Variants in DOK6 observed in about 807,000 individuals in gnomAD.
The protein encoded by DOK6 is downstream of tyrosine kinase 6.
In DOK6, 22 loss-of-function variants were observed where a neutral mutation model predicts 44.0. That is an observed-to-expected ratio of 0.50 (90% CI 0.36 to 0.71). The LOEUF is 0.71. Ranked by LOEUF, DOK6 falls within the 30% of genes least tolerant of loss-of-function variation. The pLI is 0.00. For missense variants in DOK6, 340 were observed against 416.4 expected (o/e 0.82, Z 1.60); for synonymous variants, 166 against 145.5 (o/e 1.14, Z -1.01).
chr18:69,655,374 A>G (rs945882386), intron 3 of DOK6, among the ~76,000 whole-genome samples: 3 of 152,210 alleles, frequency 2.0e-5, no homozygotes, highest in African/African-American at 7.2e-5. Flanking sequence ...TTAAAATGCC[A>G]TTGAAATGGA....
intron 1 of DOK6, among the ~76,000 whole-genome samples, chr18:69,443,681 G>A (rs1269078135): frequency 6.6e-6 from 1 of 152,114 alleles, no homozygotes; most frequent in Admixed American, 6.6e-5. Flanking sequence ...GCATTTTCTT[G>A]TGTTACTTTC....
chr18:69,687,032 CAG>C (rs2144693128), intron 4 of DOK6, among the ~76,000 whole-genome samples: 1 of 152,142 alleles, frequency 6.6e-6, no homozygotes, highest in South Asian at 2.1e-4. Context: ...TCAGAAAAAA[CAG>C]AGGAGGAAAT....
chr18:69,417,305 G>A (rs1160470108), intron 1 of DOK6, among the ~76,000 whole-genome samples: 2 of 152,002 alleles, frequency 1.3e-5, no homozygotes, highest in East Asian at 3.9e-4. Flanking sequence ...CACATATTGT[G>A]AGACACGTAA....
chr18:69,679,379 G>A (rs7234718), intron 4 of DOK6, among the ~76,000 whole-genome samples: 94,606 of 151,944 alleles, frequency 0.62, 30,035 homozygotes, highest in East Asian at 0.87. Context: ...TTTTCTGCTC[G>A]TGGATCATGA....
chr18:69,836,186 C>CT (rs1982048756), intron 7 of DOK6, among the ~76,000 whole-genome samples: 1 of 152,048 alleles, frequency 6.6e-6, no homozygotes, highest in South Asian at 2.1e-4. Flanking sequence ...ATTTGTGCTC[C>CT]TTCTAGTTCA....
At chr18:69,761,972 G>C (rs964197566) in intron 7 of DOK6, among the ~76,000 whole-genome samples, 101 of 152,202 alleles carry the variant, frequency 6.6e-4, no homozygotes, top group African/African-American at 2.3e-3. Flanking sequence ...ACCTAGGCAA[G>C]TTGCAAAGCA....
At chr18:69,742,096 T>C (rs1413744497) in intron 6 of DOK6, among the ~76,000 whole-genome samples, 1 of 152,152 alleles carries the variant, frequency 6.6e-6, no homozygotes, top group African/African-American at 2.4e-5. Context: ...CTATTCTTGC[T>C]TGAAGAATTT....
At chr18:69,427,732 A>G (rs72955487) in intron 1 of DOK6, among the ~76,000 whole-genome samples, 20,876 of 152,050 alleles carry the variant, frequency 0.14, 2,068 homozygotes, top group East Asian at 0.32. Flanking sequence ...TAGACTGATT[A>G]AAGAAAATAA....
chr18:69,581,904 C>A (rs1488134225), intron 2 of DOK6, among the ~76,000 whole-genome samples: 1 of 152,082 alleles, frequency 6.6e-6, no homozygotes, highest in Non-Finnish European at 1.5e-5. Flanking sequence ...TTTGTGGCCA[C>A]GAGGAAACAA....
chr18:69,406,794 G>A (rs116200229), intron 1 of DOK6, among the ~76,000 whole-genome samples: 1 of 152,152 alleles, frequency 6.6e-6, no homozygotes, highest in African/African-American at 2.4e-5. Context: ...TAAAAAATTA[G>A]TTTAGGCTGG....
chr18:69,480,819 G>A (rs777192695), intron 1 of DOK6, among the ~76,000 whole-genome samples: 11 of 152,198 alleles, frequency 7.2e-5, no homozygotes, highest in African/African-American at 1.2e-4. Context: ...ATGTGATATT[G>A]GTTAGGACAG....
At chr18:69,780,679 C>A (rs1258201213) in intron 7 of DOK6, among the ~76,000 whole-genome samples, 2 of 152,180 alleles carry the variant, frequency 1.3e-5, no homozygotes, top group African/African-American at 4.8e-5. Flanking sequence ...GACACAATCT[C>A]TCTTTCTATA....
rs138298356 is a variant in DOK6, at chr18:69,432,420, G to T, written c.66+31110G>T. ...GATCATGCCGTTGCATTCTAGCCTG[G>T]GAAACAGAGAGAGACCCTGTCTCAA... On this transcript the variant is annotated intron_variant, in intron 1 of 7. Transcript: ENST00000382713. Among the ~76,000 whole-genome samples the T allele has an allele frequency of 3.4e-3, 514 of 152,168 alleles. 8 individuals carry two copies. The highest frequency in any genetic ancestry group is 0.01 in the Middle Eastern group (3 of 294).
At chr18:69,670,510 A>ATTTT (rs34425516) in intron 3 of DOK6, among the ~76,000 whole-genome samples, 17 of 137,092 alleles carry the variant, frequency 1.2e-4, no homozygotes, top group African/African-American at 3.0e-4. Context: ...TTGTGCATCA[A>ATTTT]TTTTTTTTTT....
chr18:69,836,890 A>T (rs188789270), intron 7 of DOK6, among the ~76,000 whole-genome samples: 1 of 152,296 alleles, frequency 6.6e-6, no homozygotes, highest in East Asian at 1.9e-4. Flanking sequence ...TTTTATTCTC[A>T]TACTCATTGT....
intron 1 of DOK6, among the ~76,000 whole-genome samples, chr18:69,461,533 T>C (rs1979787768): frequency 6.6e-6 from 1 of 152,192 alleles, no homozygotes; most frequent in African/African-American, 2.4e-5. Flanking sequence ...TCTAAATTCC[T>C]CCCAGCTTTT....
chr18:69,479,293 T>C (rs921867893), intron 1 of DOK6, among the ~76,000 whole-genome samples: 1 of 152,046 alleles, frequency 6.6e-6, no homozygotes, highest in African/African-American at 2.4e-5. Context: ...AAGGAAGGGT[T>C]CTTAGGTGAC....
intron 1 of DOK6, among the ~76,000 whole-genome samples, chr18:69,520,655 A>G (rs903692347): frequency 3.3e-5 from 5 of 152,022 alleles, no homozygotes; most frequent in African/African-American, 1.2e-4. Flanking sequence ...TATATGATGA[A>G]TGTAAAACAT....
At chr18:69,802,594 T>C (rs1980934660) in intron 7 of DOK6, among the ~76,000 whole-genome samples, 1 of 152,048 alleles carries the variant, frequency 6.6e-6, no homozygotes, top group Non-Finnish European at 1.5e-5. Flanking sequence ...CCTTCATGAG[T>C]GTCCTAGTGC....
Sources: allele counts gnomAD v4.1 joint callset (sites outside exome capture counted in the v4.1 genomes callset), GRCh38; gene constraint gnomAD v4.1.1; transcripts MANE v1.5; gene names NCBI Gene and HGNC (gene_info 2026-07-23, HGNC 2026-07-21).